TMEM164: variants seen among roughly 807,000 people sequenced by gnomAD.
TMEM164 encodes the protein transmembrane protein 164.
In TMEM164, 4 loss-of-function variants were observed where a neutral mutation model predicts 18.8. The ratio of observed to expected loss-of-function variants is 0.21; its 90% confidence interval spans 0.10 to 0.49. TMEM164 has a LOEUF of 0.49. Ranked by LOEUF, TMEM164 falls within the 20% of genes least tolerant of loss-of-function variation. The probability of loss-of-function intolerance (pLI) is 0.98; values close to 1 mark genes in which losing one functional copy is unlikely to be tolerated. For missense variants in TMEM164, 108 were observed against 239.9 expected (o/e 0.45, Z 3.63); for synonymous variants, 86 against 101.7 (o/e 0.85, Z 0.93).
At chrX:110,077,606 C>T (rs904433174) in intron 3 of TMEM164, among the ~76,000 whole-genome samples, 1 of 111,504 alleles carries the variant, frequency 9.0e-6, no homozygotes, top group African/African-American at 3.3e-5. Flanking sequence ...TCTTTTGTTC[C>T]CATGTTTAGA....
intron 3 of TMEM164, among the ~76,000 whole-genome samples, chrX:110,080,635 A>G (rs766990444): frequency 8.9e-6 from 1 of 112,297 alleles, no homozygotes; most frequent in Non-Finnish European, 1.9e-5. Context: ...ATATAGTTAT[A>G]CCTTATATTA....
chrX:110,174,709 G>C lies in TMEM164; in HGVS notation c.*1258G>C, dbSNP rs956563336. ...GGAGGTTCAGGTGCTCCACAAGGAG[G>C]AGCTTTTGTTGAAGGACTTCAGCTC... On this transcript the variant is annotated 3_prime_UTR_variant, in exon 7 of 7. Coordinates refer to ENST00000372068, the MANE Select transcript of TMEM164 (RefSeq NM_032227.4). The C allele has an allele frequency of 1.8e-5, 2 of 111,345 alleles. No homozygotes were observed. Among genetic ancestry groups the C allele is most frequent in the African/African-American group, 3.3e-5 (1 of 30,504 alleles). 9.2% of individuals were successfully genotyped at this position (111,345 alleles called of 1,213,427 possible). A position where few individuals can be genotyped will look rare whatever the true frequency, so the allele number is the denominator to read the frequency against.
At chrX:110,122,604 A>G (rs917009154) in intron 4 of TMEM164, among the ~76,000 whole-genome samples, 12 of 111,775 alleles carry the variant, frequency 1.1e-4, no homozygotes, top group African/African-American at 3.6e-4. Flanking sequence ...AAAAAATAAA[A>G]TATCTGATAA....
Position 110,003,849 on chromosome X carries a change from G to A in TMEM164, c.75G>A (p.Gly25=), listed in dbSNP as rs1932503528. 1.7e-6 allele frequency: 2 copies of A among 1,209,843 alleles called. No homozygotes were observed. Among genetic ancestry groups the A allele is most frequent in the Admixed American group, 2.2e-5 (1 of 45,850 alleles). The change falls in exon 2 of 7, where the codon GGG becomes GGA. Residue 25 remains glycine, a synonymous_variant. Coordinates refer to ENST00000372068, the MANE Select transcript of TMEM164 (RefSeq NM_032227.4). ...TGGACCCCAGTTTTGCAGGCAATGGGGGCCCCGACTGTGCTGCCTTCCTCT... is the reference window on the plus strand; with the variant it reads ...TGGACCCCAGTTTTGCAGGCAATGGAGGCCCCGACTGTGCTGCCTTCCTCT... ...GGVDPSFAGN[G]GPDCAAFLSW...
chrX:110,116,843 T>C (rs867570346), intron 4 of TMEM164, among the ~76,000 whole-genome samples: 5 of 105,102 alleles, frequency 4.8e-5, no homozygotes, highest in African/African-American at 1.8e-4. Context: ...TGTGTGTGTG[T>C]GTGTGTGTGC....
intron 2 of TMEM164, among the ~76,000 whole-genome samples, chrX:110,023,876 G>T (rs187871484): frequency 8.9e-5 from 10 of 112,169 alleles, no homozygotes; most frequent in African/African-American, 3.2e-4. Flanking sequence ...CCAATTTAAA[G>T]AACTGGTTGA....
chrX:110,017,789 G>A (rs1284886842), intron 2 of TMEM164, among the ~76,000 whole-genome samples: 2 of 108,005 alleles, frequency 1.9e-5, no homozygotes, highest in Admixed American at 9.9e-5. Flanking sequence ...GGCTGGTCTC[G>A]AACTCCTGAC....
chrX:110,005,124 G>C (rs1468949540), intron 2 of TMEM164, among the ~76,000 whole-genome samples: 26 of 111,884 alleles, frequency 2.3e-4, no homozygotes, highest in Non-Finnish European at 3.8e-4. Context: ...TGGAAAACCG[G>C]GTGTGTTTTA....
intron 3 of TMEM164, among the ~76,000 whole-genome samples, chrX:110,103,962 G>A (rs921750538): frequency 1.8e-5 from 2 of 110,833 alleles, no homozygotes; most frequent in Non-Finnish European, 3.8e-5. Context: ...AAGGTTTGGG[G>A]GTTTTTGACA....
At chrX:110,101,126 G>T (rs1185072669) in intron 3 of TMEM164, among the ~76,000 whole-genome samples, 1 of 110,352 alleles carries the variant, frequency 9.1e-6, no homozygotes, top group Non-Finnish European at 1.9e-5. Flanking sequence ...ATGTAGTGAT[G>T]GACCATTCTG....
At chrX:110,059,245 T>A (rs1366814456) in intron 2 of TMEM164, among the ~76,000 whole-genome samples, 1 of 111,634 alleles carries the variant, frequency 9.0e-6, no homozygotes, top group Non-Finnish European at 1.9e-5. Flanking sequence ...GACTGTTCTT[T>A]CTACCATTGG....
intron 5 of TMEM164, among the ~76,000 whole-genome samples, chrX:110,154,512 C>G (rs995279291): frequency 1.8e-5 from 2 of 111,008 alleles, no homozygotes; most frequent in African/African-American, 6.6e-5. Flanking sequence ...CTCTGCTTCT[C>G]GGGTTCAATC....
In TMEM164 at chrX:110,003,983, G is replaced by A. The variant is rs776675744; in HGVS notation, c.209G>A (p.Gly70Asp). The change falls in exon 2 of 7, where the codon GGT becomes GAT. Residue 70 changes from glycine (G) to aspartate (D), a missense_variant. Physicochemically the swap from Gly to Asp is moderately conservative, Grantham distance 94 (BLOSUM62 -1). Transcript: ENST00000372068. ...AGGCAGACGAAGGAGGACGGTAGGG[G>A]TAGCCCTGGCAGCCAGCCAGAGCAG... ...ILRQTKEDGR[G>D]SPGSQPEQVT... 1.5e-5 allele frequency: 18 copies of A among 1,209,552 alleles called. No individual in the cohort carries two copies. Among genetic ancestry groups the A allele is most frequent in the Non-Finnish European group, 1.9e-5 (17 of 895,096 alleles).
At position 110,065,851 on chromosome X, in the gene TMEM164, A is replaced by G. The variant is rs149854995; in HGVS notation, c.391-1496A>G. On this transcript the variant is annotated intron_variant, in intron 2 of 6. Coordinates refer to ENST00000372068, the MANE Select transcript of TMEM164 (RefSeq NM_032227.4). Reference sequence around the variant, plus strand: ...ACCGTAAGTGGAAGAAATAAAGTCTATAAGTAGCCTAACCTCAATTCAAGT... The same window carrying G: ...ACCGTAAGTGGAAGAAATAAAGTCTGTAAGTAGCCTAACCTCAATTCAAGT... Among the ~76,000 whole-genome samples, 7 of 112,391 alleles carry G rather than the reference A, an allele frequency of 6.2e-5. No individual in the cohort carries two copies. In the East Asian group the frequency reaches 1.4e-3, roughly 22 times the overall value.
chrX:110,090,259 T>C (rs1483323266), intron 3 of TMEM164, among the ~76,000 whole-genome samples: 1 of 110,445 alleles, frequency 9.1e-6, no homozygotes, highest in Non-Finnish European at 1.9e-5. Flanking sequence ...CCTGTTCTAC[T>C]TATCTTTTTT....
At chrX:110,117,488 A>G (rs2066387011) in intron 4 of TMEM164, among the ~76,000 whole-genome samples, 2 of 112,341 alleles carry the variant, frequency 1.8e-5, no homozygotes, top group African/African-American at 6.5e-5. Context: ...TTTCTAACAC[A>G]TAGAAATGAT....
intron 5 of TMEM164, among the ~76,000 whole-genome samples, chrX:110,151,588 C>G (rs1490104644): frequency 2.7e-5 from 3 of 111,410 alleles, no homozygotes; most frequent in African/African-American, 9.8e-5. Context: ...CGAGACCAGC[C>G]TGGCCAACAT....
chrX:110,116,861 CGT>C (rs751272706), intron 4 of TMEM164, among the ~76,000 whole-genome samples: 532 of 88,758 alleles, frequency 6.0e-3, no homozygotes, highest in Admixed American at 0.01. Context: ...TGCGCGTGTG[CGT>C]GTGTGTGTGT....
chrX:110,024,080 G>T (rs760060674), intron 2 of TMEM164, among the ~76,000 whole-genome samples: 2 of 112,136 alleles, frequency 1.8e-5, no homozygotes, highest in Non-Finnish European at 3.8e-5. Flanking sequence ...CTGGTAGAAT[G>T]GAAAAATTGT....
Sources: gnomAD v4.1 joint callset for allele counts (sites outside exome capture counted in the v4.1 genomes callset) on GRCh38, gnomAD v4.1.1 for gene constraint, MANE v1.5 for transcripts, NCBI Gene and HGNC (gene_info 2026-07-23, HGNC 2026-07-21) for gene names.